Variants in DENND1A observed in about 807,000 individuals in gnomAD.
DENND1A encodes DENN domain containing 1A.
A neutral mutation model predicts 113.7 loss-of-function variants in DENND1A; 51 were observed. The ratio of observed to expected loss-of-function variants is 0.45; its 90% CI spans 0.36 to 0.57. The LOEUF (loss-of-function observed/expected upper bound fraction) is 0.57. DENND1A is among the 20% of genes least tolerant of loss of function. The probability of loss-of-function intolerance (pLI) is 0.00; values close to 1 mark genes in which losing one functional copy is unlikely to be tolerated. For synonymous variants in DENND1A, 565 were observed against 570.8 expected (o/e 0.99, Z 0.14); for missense variants, 1,258 against 1,395.9 (o/e 0.90, Z 1.57).
At chr9:123,894,500 G>A (rs1174628812) in intron 1 of DENND1A, among the ~76,000 whole-genome samples, 1 of 152,140 alleles carries the variant, frequency 6.6e-6, no homozygotes, top group Admixed American at 6.5e-5. Flanking sequence ...TGGCTGCCAC[G>A]AATTGATAAA....
chr9:123,693,457 C>A (rs554911910), intron 5 of DENND1A, among the ~76,000 whole-genome samples: 2 of 152,294 alleles, frequency 1.3e-5, no homozygotes, highest in South Asian at 4.1e-4. Context: ...TTGTGGCCAA[C>A]CTTGCCTCCC....
intron 3 of DENND1A, among the ~76,000 whole-genome samples, chr9:123,772,149 A>C (rs181402696): frequency 6.6e-6 from 1 of 152,322 alleles, no homozygotes; most frequent in Admixed American, 6.5e-5. Context: ...TGTAAATAAA[A>C]ACTGCAATAA....
intron 5 of DENND1A, among the ~76,000 whole-genome samples, chr9:123,689,857 G>C (rs537950021): frequency 1.3e-5 from 2 of 151,970 alleles, no homozygotes; most frequent in Admixed American, 1.3e-4. Flanking sequence ...TGTAGTCACT[G>C]TAATCCTGTA....
chr9:123,908,961 A>G (rs1318205390), intron 1 of DENND1A, among the ~76,000 whole-genome samples: 1 of 152,204 alleles, frequency 6.6e-6, no homozygotes, highest in East Asian at 1.9e-4. Context: ...ATGTCCAACA[A>G]TGATAGACTG....
At chr9:123,806,441 G>A (rs1835586653) in intron 2 of DENND1A, among the ~76,000 whole-genome samples, 1 of 152,082 alleles carries the variant, frequency 6.6e-6, no homozygotes, top group Non-Finnish European at 1.5e-5. Flanking sequence ...ATTTTTAGTA[G>A]AGACGGGGTT....
intron 18 of DENND1A, among the ~76,000 whole-genome samples, chr9:123,442,400 G>A (rs1237267103): frequency 6.6e-6 from 1 of 152,160 alleles, no homozygotes; most frequent in African/African-American, 2.4e-5. Flanking sequence ...CTGTCCAAAG[G>A]TGCTCAGGTC....
intron 13 of DENND1A, among the ~76,000 whole-genome samples, chr9:123,485,877 G>A (rs1320384236): frequency 1.3e-5 from 2 of 152,146 alleles, no homozygotes; most frequent in African/African-American, 4.8e-5. Context: ...CTAGGCTTCT[G>A]GATTTTCTAG....
At chr9:123,910,696 T>G (rs1853800783) in intron 1 of DENND1A, among the ~76,000 whole-genome samples, 1 of 152,156 alleles carries the variant, frequency 6.6e-6, no homozygotes, top group Non-Finnish European at 1.5e-5. Flanking sequence ...TCCCAGCACT[T>G]TGGGAGGCTG....
intron 13 of DENND1A, among the ~76,000 whole-genome samples, chr9:123,503,545 G>A (rs1028943809): frequency 6.6e-6 from 1 of 152,132 alleles, no homozygotes; most frequent in Non-Finnish European, 1.5e-5. Flanking sequence ...GGCCAGTCTT[G>A]AGCTCATCGG....
chr9:123,406,984 C>T lies in DENND1A; in HGVS notation c.1543-3494G>A, dbSNP rs554245444. Among the ~76,000 whole-genome samples, 12 of 152,252 alleles carry T rather than the reference C, an allele frequency of 7.9e-5. No homozygotes were observed. In the South Asian group the frequency reaches 2.5e-3, roughly 32 times the overall value. On this transcript the variant is annotated intron_variant, in intron 20 of 23. Transcript: ENST00000394215. ...TAAGTTTGTGGCAACTTCAACTGAA[C>T]TTGCAACGTGGTGAAACATGGGGAA...
chr9:123,652,064 G>A lies in DENND1A; in HGVS notation c.567C>T (p.Ala189=). The change falls in exon 9 of 24, where the codon GCC becomes GCT. Residue 189 remains alanine, a synonymous_variant. Transcript: ENST00000394215. ...GTATCCGGCGTTCGTACAGCATACTGGCGTACAGATGCAACATGTTGTTAA... is the reference window on the plus strand; with the variant it reads ...GTATCCGGCGTTCGTACAGCATACTAGCGTACAGATGCAACATGTTGTTAA... ...VDVNNMLHLY[A]SMLYERRILI... is the part of the protein sequence containing the mutation. 6.2e-7 allele frequency: 1 copy of A among 1,614,106 alleles called. No homozygotes were observed. The highest frequency in any genetic ancestry group is 1.1e-5 in the South Asian group (1 of 91,082).
intron 19 of DENND1A, among the ~76,000 whole-genome samples, chr9:123,436,743 C>A (rs992677686): frequency 1.3e-5 from 2 of 151,766 alleles, no homozygotes; most frequent in African/African-American, 4.8e-5. Flanking sequence ...AGTTTGTTGA[C>A]AAAATATCTT....
chr9:123,737,133 C>T (rs1460750121), intron 5 of DENND1A, among the ~76,000 whole-genome samples: 1 of 152,178 alleles, frequency 6.6e-6, no homozygotes, highest in Non-Finnish European at 1.5e-5. Context: ...ATATTGGCAT[C>T]TCATATGGAA....
intron 2 of DENND1A, among the ~76,000 whole-genome samples, chr9:123,838,882 T>A (rs1841431330): frequency 6.6e-6 from 1 of 152,186 alleles, no homozygotes; most frequent in Non-Finnish European, 1.5e-5. Context: ...ATAACGGAAA[T>A]ATTTTATTTA....
At chr9:123,412,156 C>G (rs1050012132) in intron 19 of DENND1A, among the ~76,000 whole-genome samples, 2 of 152,242 alleles carry the variant, frequency 1.3e-5, no homozygotes, top group Admixed American at 6.5e-5. Flanking sequence ...CTCATGCCCC[C>G]TCCTGTCCTT....
At chr9:123,605,109 T>A (rs2060097640) in intron 11 of DENND1A, among the ~76,000 whole-genome samples, 1 of 152,192 alleles carries the variant, frequency 6.6e-6, no homozygotes, top group Non-Finnish European at 1.5e-5. Flanking sequence ...CTAACTGCTC[T>A]ACTTCACTGC....
At chr9:123,455,193 G>A (rs1256261540) in intron 15 of DENND1A, among the ~76,000 whole-genome samples, 1 of 152,192 alleles carries the variant, frequency 6.6e-6, no homozygotes, top group Non-Finnish European at 1.5e-5. Context: ...AAAGGAGGCG[G>A]CAGCGAGTCA....
At chr9:123,484,287 A>G (rs1230489593) in intron 13 of DENND1A, among the ~76,000 whole-genome samples, 2 of 152,192 alleles carry the variant, frequency 1.3e-5, no homozygotes, top group African/African-American at 4.8e-5. Flanking sequence ...CTGAGCAACT[A>G]GACAGCCTAG....
In DENND1A at chr9:123,652,052, G is replaced by A. The variant is rs114587478; in HGVS notation, c.579C>T (p.Tyr193=). 4.1e-4 allele frequency: 668 copies of A among 1,614,030 alleles called. 6 individuals are homozygous for A. In the East Asian group the frequency reaches 6.7e-3, roughly 16 times the overall value. The change falls in exon 9 of 24, where the codon TAC becomes TAT. Residue 193 remains tyrosine, a synonymous_variant. Coordinates refer to ENST00000394215, the MANE Select transcript of DENND1A (RefSeq NM_001352964.2). ...NMLHLYASML[Y]ERRILIICSK... ...TGCAAATGATGAGTATCCGGCGTTC[G>A]TACAGCATACTGGCGTACAGATGCA... is the stretch of plus-strand genomic sequence containing the variant.
Sources: allele counts gnomAD v4.1 joint callset (sites outside exome capture counted in the v4.1 genomes callset), GRCh38; gene constraint gnomAD v4.1.1; transcripts MANE v1.5; gene names NCBI Gene and HGNC (gene_info 2026-07-23, HGNC 2026-07-21).